CTNNA3: variants seen among roughly 807,000 people sequenced by gnomAD.
CTNNA3 encodes catenin alpha 3.
In CTNNA3, 76 loss-of-function variants were observed where a neutral mutation model predicts 95.7. The ratio of observed to expected loss-of-function variants is 0.79; its 90% confidence interval spans 0.66 to 0.96. The LOEUF (loss-of-function observed/expected upper bound fraction) is 0.96. Among genes scored for constraint, CTNNA3 ranks in the 40% least tolerant of loss-of-function variants. The pLI, the probability that CTNNA3 is intolerant of heterozygous loss-of-function variation, is 0.00. For synonymous variants in CTNNA3, 431 were observed against 374.4 expected (o/e 1.15, Z -1.74); for missense variants, 1,191 against 1,089.8 (o/e 1.09, Z -1.31).
At position 66,674,134 on chromosome 10, in the gene CTNNA3, G is replaced by A. The variant is rs1846762689; in HGVS notation, c.1282-52350C>T. 3.3e-5 allele frequency among the ~76,000 whole-genome samples: 5 copies of A among 151,912 alleles called. No individual in the cohort carries two copies. The South Asian group carries it at 1.0e-3, about 32-fold the overall frequency. ...TTCTTATAAGATTTATGTATTGGGT[G>A]TTAGTGCCAAGATTCTCTAATATTT... On this transcript the variant is annotated intron_variant, in intron 9 of 17. Coordinates refer to ENST00000433211, the MANE Select transcript of CTNNA3 (RefSeq NM_013266.4).
chr10:66,669,260 T>C (rs961307526), intron 9 of CTNNA3, among the ~76,000 whole-genome samples: 1 of 152,066 alleles, frequency 6.6e-6, no homozygotes, highest in African/African-American at 2.4e-5. Flanking sequence ...AAATCTAAAG[T>C]TGCCCGAGCG....
At chr10:66,487,180 GATTTTTTT>G (rs1589319490) in intron 11 of CTNNA3, among the ~76,000 whole-genome samples, 2 of 87,556 alleles carry the variant, frequency 2.3e-5, no homozygotes, top group East Asian at 4.1e-4. Context: ...TAAAAGGGCA[GATTTTTTT>G]TTTTTTTTTT....
chr10:67,531,314 G>T (rs1476634035), intron 4 of CTNNA3, among the ~76,000 whole-genome samples: 1 of 152,214 alleles, frequency 6.6e-6, no homozygotes, highest in Non-Finnish European at 1.5e-5. Context: ...AACACAGCCA[G>T]GAGGAAGGCT....
intron 14 of CTNNA3, among the ~76,000 whole-genome samples, chr10:66,096,732 C>T (rs1388977603): frequency 6.6e-6 from 1 of 152,014 alleles, no homozygotes; most frequent in Non-Finnish European, 1.5e-5. Context: ...CCATGTTGGC[C>T]AGGCTGGTCT....
At chr10:66,540,686 T>A (rs894933818) in intron 10 of CTNNA3, among the ~76,000 whole-genome samples, 1 of 151,348 alleles carries the variant, frequency 6.6e-6, no homozygotes, top group African/African-American at 2.4e-5. Context: ...TCTTCCTTTC[T>A]TCCTTTCTAG....
In CTNNA3 at chr10:66,594,791, T is replaced by A. The variant is rs1242594830; in HGVS notation, c.1374+26901A>T. On this transcript the variant is annotated intron_variant, in intron 10 of 17. Transcript: ENST00000433211. The stretch of plus-strand genomic sequence containing the variant: ...TAAAGCCAGATCATCTAAGTATGAA[T>A]CTTAACTCTTGAGCTTCTTTCTCTA... Among the ~76,000 whole-genome samples, 10 of 152,292 alleles carry A rather than the reference T, an allele frequency of 6.6e-5. 1 individual carries two copies. In the East Asian group the frequency reaches 1.9e-3, roughly 29 times the overall value.
At chr10:67,507,716 C>T (rs918893887) in intron 5 of CTNNA3, among the ~76,000 whole-genome samples, 11 of 152,176 alleles carry the variant, frequency 7.2e-5, no homozygotes, top group African/African-American at 2.4e-4. Flanking sequence ...ACTACAAACT[C>T]ATTTTATGAG....
At chr10:66,327,239 A>C (rs767252734) in intron 12 of CTNNA3, among the ~76,000 whole-genome samples, 3 of 152,114 alleles carry the variant, frequency 2.0e-5, no homozygotes, top group Non-Finnish European at 2.9e-5. Flanking sequence ...GCAACTGTGA[A>C]TGTTCAAATA....
At chr10:66,670,543 C>A (rs951014166) in intron 9 of CTNNA3, among the ~76,000 whole-genome samples, 1 of 152,124 alleles carries the variant, frequency 6.6e-6, no homozygotes, top group African/African-American at 2.4e-5. Context: ...TTAAATCCTT[C>A]TAACCTCCCC....
chr10:66,769,498 A>T (rs573673615), intron 8 of CTNNA3, among the ~76,000 whole-genome samples: 110 of 152,308 alleles, frequency 7.2e-4, no homozygotes, highest in Non-Finnish European at 1.3e-3. Flanking sequence ...TTGGTGCCTT[A>T]TATCTCATCC....
chr10:66,666,727 T>A (rs1351244029), intron 9 of CTNNA3, among the ~76,000 whole-genome samples: 1 of 152,064 alleles, frequency 6.6e-6, no homozygotes, highest in Non-Finnish European at 1.5e-5. Context: ...TCTAGAATAT[T>A]CTCTATTAAA....
intron 11 of CTNNA3, among the ~76,000 whole-genome samples, chr10:66,452,713 G>T (rs531254625): frequency 6.6e-6 from 1 of 152,158 alleles, no homozygotes; most frequent in South Asian, 2.1e-4. Flanking sequence ...AAAACTTAAG[G>T]TTGATTTTTG....
chr10:66,199,941 C>T lies in CTNNA3; in HGVS notation c.1884+80529G>A, dbSNP rs544356090. On this transcript the variant is annotated intron_variant, in intron 13 of 17. Coordinates refer to ENST00000433211, the MANE Select transcript of CTNNA3 (RefSeq NM_013266.4). ...TGCTGGGATTACAGGTGTGAGCCACCGCGCCCAGCCAATAGTTATCTTTTT... is the reference window on the plus strand; with the variant it reads ...TGCTGGGATTACAGGTGTGAGCCACTGCGCCCAGCCAATAGTTATCTTTTT... 7.3e-4 allele frequency among the ~76,000 whole-genome samples: 107 copies of T among 147,372 alleles called. No homozygotes were observed. In the South Asian group the frequency reaches 7.7e-3, roughly 11 times the overall value.
chr10:67,048,744 G>A (rs573448265), intron 7 of CTNNA3, among the ~76,000 whole-genome samples: 2 of 152,122 alleles, frequency 1.3e-5, no homozygotes, highest in East Asian at 3.9e-4. Context: ...AAGTGAGGTA[G>A]ACAACAGAAA....
intron 10 of CTNNA3, among the ~76,000 whole-genome samples, chr10:66,559,459 C>A (rs769740507): frequency 6.6e-6 from 1 of 151,012 alleles, no homozygotes; most frequent in Non-Finnish European, 1.5e-5. Flanking sequence ...TGTATCAACT[C>A]TGGGTTGGGT....
At position 67,357,042 on chromosome 10, in the gene CTNNA3, C is replaced by T. The variant is rs1374577840; in HGVS notation, c.580-137172G>A. Reference sequence around the variant, plus strand: ...AACGTCTCTTTCCTCAAACCTCCAACATTTTCTCTACCATCCTCACTATAA... The same window carrying T: ...AACGTCTCTTTCCTCAAACCTCCAATATTTTCTCTACCATCCTCACTATAA... On this transcript the variant is annotated intron_variant, in intron 5 of 17. Transcript: ENST00000433211. Among the ~76,000 whole-genome samples the T allele has an allele frequency of 1.2e-4, 18 of 152,194 alleles. No individual in the cohort carries two copies. In the East Asian group the frequency reaches 3.3e-3, roughly 28 times the overall value.
intron 11 of CTNNA3, among the ~76,000 whole-genome samples, chr10:66,487,392 G>C (rs1839775207): frequency 6.6e-6 from 1 of 151,414 alleles, no homozygotes; most frequent in Non-Finnish European, 1.5e-5. Context: ...TAGTAGTGAC[G>C]GGGTTTCACC....
chr10:66,747,796 C>T (rs1249067084), intron 9 of CTNNA3, among the ~76,000 whole-genome samples: 2 of 152,152 alleles, frequency 1.3e-5, no homozygotes, highest in Non-Finnish European at 2.9e-5. Context: ...ATCCTAGAAA[C>T]AAGCAAAGAA....
rs1941991 is a variant in CTNNA3, at chr10:65,969,373, A to T, written c.2266-2627T>A. ...AAGAATTCTAGCACCATGAAAATTC[A>T]AAATGTAGTGATACCATCAACATAC... On this transcript the variant is annotated intron_variant, in intron 16 of 17. Coordinates refer to ENST00000433211, the MANE Select transcript of CTNNA3 (RefSeq NM_013266.4). 7.8e-3 allele frequency among the ~76,000 whole-genome samples: 1,185 copies of T among 152,298 alleles called. 19 individuals are homozygous for T. Among genetic ancestry groups the T allele is most frequent in the African/African-American group, 0.026 (1,096 of 41,564 alleles).
Sources: gnomAD v4.1 joint callset for allele counts (sites outside exome capture counted in the v4.1 genomes callset) on GRCh38, gnomAD v4.1.1 for gene constraint, MANE v1.5 for transcripts, NCBI Gene and HGNC (gene_info 2026-07-23, HGNC 2026-07-21) for gene names.